The following SV2C variants were observed in gnomAD, a reference collection of about 807,000 sequenced individuals.
The protein encoded by SV2C is solute carrier family 22 member B3.
SV2C carries 49 observed loss-of-function variants against 79.7 expected under a neutral mutation model. The observed-to-expected ratio is 0.61, with a 90% CI of 0.49 to 0.78. SV2C has a LOEUF of 0.78. Ranked by LOEUF, SV2C falls within the 30% of genes least tolerant of loss-of-function variation. The pLI is 0.00. For missense variants in SV2C, 833 were observed against 912.9 expected (o/e 0.91, Z 1.13); for synonymous variants, 334 against 333.2 (o/e 1.00, Z -0.03).
At chr5:75,968,821 A>C in the SV2C span, among the ~76,000 whole-genome samples, 1 of 152,236 alleles carries the variant, frequency 6.6e-6, no homozygotes, top group Admixed American at 6.5e-5. Flanking sequence ...GGAAATATAG[A>C]GAACACCACA....
chr5:76,335,405 C>T (rs1749293228), downstream of SV2C, among the ~76,000 whole-genome samples: 2 of 140,472 alleles, frequency 1.4e-5, no homozygotes, highest in Non-Finnish European at 3.0e-5. Context: ...GCTACAGTCA[C>T]ACATTTTCCT....
At chr5:75,899,281 T>A in the SV2C span, among the ~76,000 whole-genome samples, 1 of 152,228 alleles carries the variant, frequency 6.6e-6, no homozygotes, top group Non-Finnish European at 1.5e-5. Context: ...TTTGTTCTTG[T>A]TGGTTTCAAA....
chr5:76,347,014 G>C (rs1749557378), intron 12 of SV2C, among the ~76,000 whole-genome samples: 1 of 152,172 alleles, frequency 6.6e-6, no homozygotes, highest in African/African-American at 2.4e-5. Flanking sequence ...GAAGTGTATT[G>C]ATAAAAAGCT....
At chr5:75,855,127 A>G in the SV2C span, among the ~76,000 whole-genome samples, 1 of 152,140 alleles carries the variant, frequency 6.6e-6, no homozygotes, top group African/African-American at 2.4e-5. Flanking sequence ...AAATAATTTT[A>G]GGGCTCACCT....
chr5:76,198,055 C>T (rs935256510), intron 3 of SV2C, among the ~76,000 whole-genome samples: 2 of 152,128 alleles, frequency 1.3e-5, no homozygotes, highest in Non-Finnish European at 2.9e-5. Context: ...TTTGTTCTCT[C>T]CAGGTTCACA....
the SV2C span, among the ~76,000 whole-genome samples, chr5:75,860,199 A>G: frequency 2.2e-3 from 335 of 152,298 alleles, 13 homozygotes; most frequent in East Asian, 0.055. Context: ...AAGTTTTGGG[A>G]TACAAAATCA....
At chr5:76,093,507 C>A (rs945919666) in intron 1 of SV2C, among the ~76,000 whole-genome samples, 1 of 152,248 alleles carries the variant, frequency 6.6e-6, no homozygotes, top group Non-Finnish European at 1.5e-5. Context: ...CTAAGCCCCT[C>A]ATGAGCAATT....
chr5:76,334,024 T>C (rs992532343), downstream of SV2C: 1 of 152,184 alleles, frequency 6.6e-6, no homozygotes, highest in African/African-American at 2.4e-5. Context: ...ACTTTTTTAA[T>C]GTCCTTAGGT....
At chr5:75,925,378 T>C in the SV2C span, among the ~76,000 whole-genome samples, 2 of 152,196 alleles carry the variant, frequency 1.3e-5, no homozygotes, top group East Asian at 3.8e-4. Flanking sequence ...TGAAATTACT[T>C]TTACGATATT....
the SV2C span, among the ~76,000 whole-genome samples, chr5:76,028,798 G>T: frequency 2.0e-5 from 3 of 152,122 alleles, no homozygotes; most frequent in East Asian, 5.8e-4. Flanking sequence ...GCAGCATCAT[G>T]GCCTCTACCC....
chr5:76,200,110 G>A (rs549810357), intron 3 of SV2C, among the ~76,000 whole-genome samples: 1 of 152,324 alleles, frequency 6.6e-6, no homozygotes, highest in East Asian at 1.9e-4. Context: ...AGTCAGAGCA[G>A]GGGCTTATGG....
intron 4 of SV2C, among the ~76,000 whole-genome samples, chr5:76,253,270 G>A (rs1746166359): frequency 6.6e-6 from 1 of 152,118 alleles, no homozygotes; most frequent in African/African-American, 2.4e-5. Flanking sequence ...TTTGTGGGTT[G>A]ATTTTTGTTT....
intron 1 of SV2C, among the ~76,000 whole-genome samples, chr5:76,102,705 T>C (rs528444703): frequency 6.6e-6 from 1 of 152,324 alleles, no homozygotes; most frequent in Admixed American, 6.5e-5. Context: ...ACCAAGGGAA[T>C]CTGTGTGTTC....
chr5:76,056,620 C>CTTTCTTT, the SV2C span, among the ~76,000 whole-genome samples: 15 of 88,174 alleles, frequency 1.7e-4, no homozygotes, highest in Non-Finnish European at 3.0e-4. Context: ...TGGTCCTGGG[C>CTTTCTTT]TTTCTTTTTT....
At chr5:75,973,383 T>C in the SV2C span, among the ~76,000 whole-genome samples, 45 of 151,952 alleles carry the variant, frequency 3.0e-4, no homozygotes, top group African/African-American at 1.1e-3. Flanking sequence ...TAGTCCTAGC[T>C]GCTCAGGAGG....
the SV2C span, among the ~76,000 whole-genome samples, chr5:75,977,909 G>A: frequency 6.6e-6 from 1 of 152,098 alleles, no homozygotes; most frequent in South Asian, 2.1e-4. Context: ...TGCAAACACT[G>A]TATGGTAGCT....
chr5:76,342,792 T>C (rs890533939), intron 12 of SV2C, among the ~76,000 whole-genome samples: 1 of 152,212 alleles, frequency 6.6e-6, no homozygotes, highest in African/African-American at 2.4e-5. Context: ...ATAATCCAAG[T>C]GCTTAAAACA....
chr5:76,284,131 G>A (rs891910094), intron 4 of SV2C, among the ~76,000 whole-genome samples: 16 of 152,016 alleles, frequency 1.1e-4, no homozygotes, highest in African/African-American at 3.9e-4. Context: ...TTTAGAACCA[G>A]CCATTGGAAT....
At chr5:76,054,455 T>C in the SV2C span, among the ~76,000 whole-genome samples, 1,212 of 152,308 alleles carry the variant, frequency 8.0e-3, 16 homozygotes, top group African/African-American at 0.028. Context: ...AATAAACATA[T>C]GTGTGCATGG....
Sources: allele counts gnomAD v4.1 joint callset (sites outside exome capture counted in the v4.1 genomes callset), GRCh38; gene constraint gnomAD v4.1.1; transcripts MANE v1.5; gene names NCBI Gene and HGNC (gene_info 2026-07-23, HGNC 2026-07-21).